LPCAT2: variants seen among roughly 807,000 people sequenced by gnomAD.
The protein encoded by LPCAT2 is lysophosphatidylcholine acyltransferase 2, also known as 1-AGP acyltransferase 11.
Under a neutral mutation model 64.7 loss-of-function variants are expected in LPCAT2, and 58 were observed. The ratio of observed to expected loss-of-function variants is 0.90; its 90% confidence interval spans 0.73 to 1.12. LPCAT2 has a LOEUF of 1.12. Ranked by LOEUF, LPCAT2 falls within the 50% of genes most tolerant of loss-of-function variation. LPCAT2 has a pLI of 0.00. For missense variants in LPCAT2, 579 were observed against 669.8 expected, an observed-to-expected ratio of 0.86 and a Z score of 1.50; for synonymous variants, 252 against 245.3, an observed-to-expected ratio of 1.03 and a Z score of -0.26.
At chr16:55,510,146 G>C (rs1313340418) in intron 1 of LPCAT2, among the ~76,000 whole-genome samples, 3 of 151,988 alleles carry the variant, frequency 2.0e-5, no homozygotes, top group Non-Finnish European at 2.9e-5. Context: ...TGGGAAGTCA[G>C]AATCAAAGAA....
At chr16:55,525,727 ATAGTT>A in intron 2 of LPCAT2, 80 bp downstream of exon 2, 1 of 1,096,644 alleles carries the variant, frequency 9.1e-7, no homozygotes, top group South Asian at 2.7e-5. Context: ...AGAGTTCATC[ATAGTT>A]TAGTCAGTGA....
At chr16:55,525,763 AC>A (rs1372384836) in intron 2 of LPCAT2, 116 bp downstream of exon 2, 2 of 626,010 alleles carry the variant, frequency 3.2e-6, no homozygotes, top group African/African-American at 1.9e-5. Context: ...GTTAGATAAA[AC>A]TATTTTATCT....
intron 4 of LPCAT2, 51 bp from the exon 5 acceptor site, chr16:55,531,863 G>A: frequency 8.7e-7 from 1 of 1,153,710 alleles, no homozygotes; most frequent in Non-Finnish European, 1.3e-6. Flanking sequence ...CGAGTAAAGA[G>A]GTAATTTATT....
chr16:55,546,448 A>G (rs7193120), intron 9 of LPCAT2, among the ~76,000 whole-genome samples: 4,201 of 152,084 alleles, frequency 0.028, 101 homozygotes, highest in African/African-American at 0.061. Context: ...CCCACACACC[A>G]CCTCTGTCAT....
At chr16:55,551,642 A>G (rs1596873770) in intron 11 of LPCAT2, among the ~76,000 whole-genome samples, 1 of 152,236 alleles carries the variant, frequency 6.6e-6, no homozygotes, top group African/African-American at 2.4e-5. Context: ...GCCATTTGCC[A>G]TTATATTAGG....
intron 1 of LPCAT2, among the ~76,000 whole-genome samples, chr16:55,509,991 C>CTTT (rs57496150): frequency 7.8e-5 from 8 of 102,530 alleles, no homozygotes; most frequent in South Asian, 7.1e-4. Flanking sequence ...TTGAAGAAGT[C>CTTT]TTTTTTTTTT....
chr16:55,513,010 A>G (rs1197704916), intron 1 of LPCAT2, among the ~76,000 whole-genome samples: 1 of 152,248 alleles, frequency 6.6e-6, no homozygotes, highest in African/African-American at 2.4e-5. Context: ...TTAGAAAAGG[A>G]TAACAGAATC....
intron 4 of LPCAT2, among the ~76,000 whole-genome samples, chr16:55,530,732 G>A (rs1963242024): frequency 6.6e-6 from 1 of 152,044 alleles, no homozygotes; most frequent in African/African-American, 2.4e-5. Flanking sequence ...AGGTGGCATT[G>A]GGAGTAGGGT....
At position 55,582,931 on chromosome 16, in the gene LPCAT2, G is replaced by T. The variant is rs774653924; in HGVS notation, c.1468G>T (p.Ala490Ser). ...TCTTCTAGAGGAATTTAAAAGTTTT[G>T]CCTTAAAGCATCCAGAATATGCTAA... ...SISYEEFKSF[A>S]LKHPEYAKIF... Residue 490 changes from alanine to serine, a missense_variant, in exon 14 of 14, where the codon GCC becomes TCC. By Grantham distance (99) the Ala-to-Ser change is moderately conservative. Coordinates refer to ENST00000262134, the MANE Select transcript of LPCAT2 (RefSeq NM_017839.5). The T allele has an allele frequency of 6.2e-7, 1 of 1,610,726 alleles. No homozygotes were observed. Among genetic ancestry groups the T allele is most frequent in the South Asian group, 1.1e-5 (1 of 90,610 alleles).
chr16:55,533,002 G>A (rs1054198330), intron 6 of LPCAT2, 120 bp downstream of exon 6: 1 of 730,872 alleles, frequency 1.4e-6, no homozygotes, highest in Admixed American at 2.7e-5. Context: ...GCAAATGGGA[G>A]AGCTCATTCT....
Position 55,524,902 on chromosome 16 carries a change from G to T in LPCAT2, c.172-606G>T, listed in dbSNP as rs144303297. ...GTAAGAACTAAATAAGTTACTACAC[G>T]CCAAGTGCTTAGAATGGCTGGTGTA... is the stretch of plus-strand genomic sequence containing the variant. On this transcript the variant is annotated intron_variant, in intron 1 of 13. Coordinates refer to ENST00000262134, the MANE Select transcript of LPCAT2 (RefSeq NM_017839.5). Among the ~76,000 whole-genome samples, 1,086 of 152,034 alleles carry T rather than the reference G, an allele frequency of 7.1e-3. 18 individuals carry two copies. Among genetic ancestry groups the T allele is most frequent in the Admixed American group, 0.038 (576 of 15,262 alleles).
At chr16:55,582,688 C>T (rs1177140333) in intron 13 of LPCAT2, among the ~76,000 whole-genome samples, 3 of 152,104 alleles carry the variant, frequency 2.0e-5, no homozygotes, top group Non-Finnish European at 4.4e-5. Flanking sequence ...ATATATACCT[C>T]AGAGTAGAAT....
intron 1 of LPCAT2, among the ~76,000 whole-genome samples, chr16:55,512,439 T>C (rs1261428465): frequency 1.4e-5 from 2 of 142,626 alleles, no homozygotes; most frequent in Non-Finnish European, 3.3e-5. Flanking sequence ...CCCCAGCCCC[T>C]TTTTTTCCCT....
intron 7 of LPCAT2, among the ~76,000 whole-genome samples, chr16:55,537,058 AT>A (rs1307631665): frequency 1.3e-5 from 2 of 152,178 alleles, no homozygotes; most frequent in Non-Finnish European, 2.9e-5. Context: ...TTATAAACAC[AT>A]TTACATACCT....
At chr16:55,530,975 C>G (rs1395899832) in intron 4 of LPCAT2, among the ~76,000 whole-genome samples, 1 of 152,062 alleles carries the variant, frequency 6.6e-6, no homozygotes, top group Non-Finnish European at 1.5e-5. Flanking sequence ...GCCCTTCCAG[C>G]TCTGAGATTT....
intron 1 of LPCAT2, among the ~76,000 whole-genome samples, chr16:55,521,593 G>T (rs1963096704): frequency 6.6e-6 from 1 of 151,596 alleles, no homozygotes; most frequent in Non-Finnish European, 1.5e-5. Context: ...ACATTAAAAG[G>T]TCAAATATGG....
At chr16:55,522,505 A>G (rs1963111428) in intron 1 of LPCAT2, among the ~76,000 whole-genome samples, 1 of 151,636 alleles carries the variant, frequency 6.6e-6, no homozygotes, top group South Asian at 2.1e-4. Flanking sequence ...ATGGAAATGC[A>G]GAGTATCTAA....
intron 11 of LPCAT2, among the ~76,000 whole-genome samples, chr16:55,574,279 G>A (rs1240566339): frequency 6.6e-6 from 1 of 152,096 alleles, no homozygotes; most frequent in African/African-American, 2.4e-5. Context: ...CACCAGTAAT[G>A]GTGGAATGAA....
At position 55,531,911 on chromosome 16, in the gene LPCAT2, A is replaced by G; in HGVS notation, c.643-3A>G. ...ATATTAAATCTATTCCTTTTTTCCCAAGATACTAGTTTTCCCAGAAGGTAC... is the reference window on the plus strand; with the variant it reads ...ATATTAAATCTATTCCTTTTTTCCCGAGATACTAGTTTTCCCAGAAGGTAC... On this transcript the variant is annotated splice_polypyrimidine_tract_variant and splice_region_variant and intron_variant, in intron 4 of 13. Transcript: ENST00000262134. 6.4e-7 allele frequency: 1 copy of G among 1,563,528 alleles called. No individual in the cohort carries two copies. The highest frequency in any genetic ancestry group is 8.8e-7 in the Non-Finnish European group (1 of 1,136,050).
Sources: gnomAD v4.1 joint callset for allele counts (sites outside exome capture counted in the v4.1 genomes callset) on GRCh38, gnomAD v4.1.1 for gene constraint, MANE v1.5 for transcripts, NCBI Gene and HGNC (gene_info 2026-07-23, HGNC 2026-07-21) for gene names.